The following CMC1 variants were observed in gnomAD, a reference collection of about 807,000 sequenced individuals.
CMC1 encodes the protein C-X9-C motif containing 1.
Under a neutral mutation model 14.1 loss-of-function variants are expected in CMC1, and 14 were observed. That is an observed-to-expected ratio of 0.99 (90% CI 0.66 to 1.55). The LOEUF (loss-of-function observed/expected upper bound fraction) is 1.55. Among genes scored for constraint, CMC1 ranks in the 40% most tolerant of loss-of-function variants. The pLI is 0.00. For synonymous variants in CMC1, 50 were observed against 38.4 expected, an observed-to-expected ratio of 1.30 and a Z score of -1.12; for missense variants, 127 against 123.8, an observed-to-expected ratio of 1.03 and a Z score of -0.12.
At chr3:28,306,258 T>G (rs1423768205) in intron 2 of CMC1, among the ~76,000 whole-genome samples, 3 of 152,220 alleles carry the variant, frequency 2.0e-5, no homozygotes, top group African/African-American at 7.2e-5. Context: ...TAGCATTGAA[T>G]CTATAGATTG....
At chr3:28,300,867 T>C (rs1022155064) in intron 2 of CMC1, among the ~76,000 whole-genome samples, 2 of 151,556 alleles carry the variant, frequency 1.3e-5, no homozygotes, top group African/African-American at 4.9e-5. Flanking sequence ...ACCACAGTTA[T>C]CAGTTTTCTT....
chr3:28,284,400 A>T (rs996954896), intron 2 of CMC1, among the ~76,000 whole-genome samples: 10 of 152,218 alleles, frequency 6.6e-5, no homozygotes, highest in African/African-American at 2.4e-4. Context: ...CTCATCTCTC[A>T]CACACAGGCT....
Position 28,296,079 on chromosome 3 carries a change from C to T in CMC1, c.110-20254C>T, listed in dbSNP as rs772336342. 7.9e-4 allele frequency among the ~76,000 whole-genome samples: 120 copies of T among 152,086 alleles called. 2 individuals are homozygous for T. The highest frequency in any genetic ancestry group is 3.9e-4 in the Admixed American group (6 of 15,248). ...AGTTTAAAATACAACCCTGAGTACA[C>T]ATACATATGAACAGATTGTTAGAAA... is the stretch of plus-strand genomic sequence containing the variant. On this transcript the variant is annotated intron_variant, in intron 2 of 3. Transcript: ENST00000466830.
At chr3:28,301,845 G>A (rs1384985003) in intron 2 of CMC1, among the ~76,000 whole-genome samples, 2 of 151,952 alleles carry the variant, frequency 1.3e-5, no homozygotes, top group Non-Finnish European at 2.9e-5. Flanking sequence ...ATGATGAAAC[G>A]GCAGCATTAG....
chr3:28,272,137 G>A (rs1158444360), intron 2 of CMC1, among the ~76,000 whole-genome samples: 1 of 152,130 alleles, frequency 6.6e-6, no homozygotes, highest in Non-Finnish European at 1.5e-5. Flanking sequence ...AGACAGTGGG[G>A]TTTTCTAGAT....
chr3:28,297,294 T>C (rs929329719), intron 2 of CMC1: 1 of 152,052 alleles, frequency 6.6e-6, no homozygotes, highest in African/African-American at 2.4e-5. Context: ...ACAATCAGTG[T>C]GGGCTTAAAG....
intron 2 of CMC1, among the ~76,000 whole-genome samples, chr3:28,278,462 T>C (rs990927665): frequency 2.0e-5 from 3 of 152,200 alleles, no homozygotes; most frequent in Admixed American, 6.5e-5. Flanking sequence ...CTAATGTTTT[T>C]GTGCACATTA....
At position 28,324,574 on chromosome 3, in the gene CMC1, G is replaced by A; in HGVS notation, c.*4945G>A. On this transcript the variant is annotated 3_prime_UTR_variant, in exon 4 of 4. Transcript: ENST00000466830. ...ATGAAATTAAGATTTCCAAGTTAGT[G>A]TGATCATTGAGGCACTGTGACTAGG... 1 of 936,682 alleles carries A rather than the reference G, an allele frequency of 1.1e-6. No homozygotes were observed. The highest frequency in any genetic ancestry group is 3.4e-5 in the South Asian group (1 of 29,602). 58.0% of individuals were successfully genotyped at this position (936,682 alleles called of 1,614,324 possible).
Position 28,324,223 on chromosome 3 carries a change from A to C in CMC1, c.*4594A>C. The stretch of plus-strand genomic sequence containing the variant: ...TCTGCCATAAGAACTGTGTTCCTGA[A>C]AGCATGTACCATCATTAGGAATGGA... On this transcript the variant is annotated 3_prime_UTR_variant, in exon 4 of 4. Transcript: ENST00000466830. 6.2e-7 allele frequency: 1 copy of C among 1,610,488 alleles called. No individual in the cohort carries two copies. The highest frequency in any genetic ancestry group is 1.1e-5 in the South Asian group (1 of 90,962).
intron 2 of CMC1, among the ~76,000 whole-genome samples, chr3:28,267,571 A>T (rs1027373054): frequency 1.3e-5 from 2 of 152,154 alleles, no homozygotes; most frequent in Non-Finnish European, 2.9e-5. Flanking sequence ...GTTGTCCAAT[A>T]AGTGGGATAT....
At position 28,323,404 on chromosome 3, in the gene CMC1, A is replaced by G. The variant is rs1703255013; in HGVS notation, c.*3775A>G. 6.6e-6 allele frequency: 1 copy of G among 150,574 alleles called. No homozygotes were observed. The highest frequency in any genetic ancestry group is 2.4e-5 in the African/African-American group (1 of 41,082). 9.3% of individuals were successfully genotyped at this position (150,574 alleles called of 1,614,324 possible). On this transcript the variant is annotated 3_prime_UTR_variant, in exon 4 of 4. Transcript: ENST00000466830. ...AGGACTTAAGGAATGTGCTGGGACA[A>G]AGTTGGCTTCAGTGATCAGGTTGTT...
chr3:28,289,997 C>T (rs1166757212), intron 2 of CMC1, among the ~76,000 whole-genome samples: 1 of 152,012 alleles, frequency 6.6e-6, no homozygotes, highest in Non-Finnish European at 1.5e-5. Flanking sequence ...GGTTACTTGC[C>T]TCCATTACAA....
intron 3 of CMC1, 62 bp downstream of exon 3, chr3:28,316,485 C>A: frequency 1.1e-6 from 1 of 878,780 alleles, no homozygotes; most frequent in South Asian, 1.7e-5. Context: ...GAGTATGTTA[C>A]TTAACTCATT....
intron 2 of CMC1, among the ~76,000 whole-genome samples, chr3:28,272,029 AT>A (rs1490136041): frequency 1.3e-5 from 2 of 151,740 alleles, no homozygotes; most frequent in African/African-American, 4.8e-5. Flanking sequence ...CTGCTTGTCT[AT>A]TTTTGGTGTA....
At chr3:28,279,152 T>C (rs944120426) in intron 2 of CMC1, among the ~76,000 whole-genome samples, 1 of 151,614 alleles carries the variant, frequency 6.6e-6, no homozygotes, top group Non-Finnish European at 1.5e-5. Flanking sequence ...AGACAGAAAA[T>C]AGAAGTCAAA....
intron 2 of CMC1, among the ~76,000 whole-genome samples, chr3:28,264,745 T>C (rs1310365584): frequency 1.3e-5 from 2 of 152,198 alleles, no homozygotes; most frequent in African/African-American, 4.8e-5. Flanking sequence ...TTAAAAACCC[T>C]ATAATAAAGT....
At position 28,241,783 on chromosome 3, in the gene CMC1, G is replaced by A; in HGVS notation, c.-11G>A. 5.6e-6 allele frequency: 7 copies of A among 1,240,752 alleles called. No homozygotes were observed. The highest frequency in any genetic ancestry group is 7.1e-6 in the Non-Finnish European group (7 of 988,094). 76.9% of individuals were successfully genotyped at this position (1,240,752 alleles called of 1,614,324 possible). Reference sequence around the variant, plus strand: ...GCCGCCAAGCGGCTACGTTCTTCTCGGCCCGCCGAGATGGCGCTCGACCCC... The same window carrying A: ...GCCGCCAAGCGGCTACGTTCTTCTCAGCCCGCCGAGATGGCGCTCGACCCC... On this transcript the variant is annotated 5_prime_UTR_variant, in exon 1 of 4. Transcript: ENST00000466830.
chr3:28,295,147 G>A (rs1038062381), intron 2 of CMC1, among the ~76,000 whole-genome samples: 1 of 152,048 alleles, frequency 6.6e-6, no homozygotes, highest in Non-Finnish European at 1.5e-5. Flanking sequence ...CATTTTTAAT[G>A]TATGTCTTTT....
At chr3:28,282,526 A>C (rs1334984307) in intron 2 of CMC1, among the ~76,000 whole-genome samples, 1 of 152,238 alleles carries the variant, frequency 6.6e-6, no homozygotes, top group Non-Finnish European at 1.5e-5. Context: ...TTTGAAATCA[A>C]AGCTAAAGAA....
Sources: allele counts gnomAD v4.1 joint callset (sites outside exome capture counted in the v4.1 genomes callset), GRCh38; gene constraint gnomAD v4.1.1; transcripts MANE v1.5; gene names NCBI Gene and HGNC (gene_info 2026-07-23, HGNC 2026-07-21).